Variants in AGBL1 observed in about 807,000 individuals in gnomAD.
The protein encoded by AGBL1 is AGBL carboxypeptidase 1.
A neutral mutation model predicts 118.9 loss-of-function variants in AGBL1; 130 were observed. That is an observed-to-expected ratio of 1.09 (90% CI 0.95 to 1.26). AGBL1 has a LOEUF of 1.26. AGBL1 is among the 50% of genes most tolerant of loss of function. The pLI is 0.00. For synonymous variants in AGBL1, 555 were observed against 478.9 expected (o/e 1.16, Z -2.08); for missense variants, 1,584 against 1,298.1 (o/e 1.22, Z -3.38).
intron 22 of AGBL1, among the ~76,000 whole-genome samples, chr15:86,791,736 A>G: frequency 6.7e-6 from 1 of 149,304 alleles, no homozygotes; most frequent in Middle Eastern, 3.6e-3. Flanking sequence ...TTTTATATAT[A>G]TATATATATA....
intron 18 of AGBL1, among the ~76,000 whole-genome samples, chr15:86,443,317 T>C (rs1483665930): frequency 6.6e-6 from 1 of 152,210 alleles, no homozygotes; most frequent in Admixed American, 6.5e-5. Flanking sequence ...TTTTCCACTT[T>C]TGTTACTTTT....
At chr15:86,544,458 A>G (rs1191165733) in intron 19 of AGBL1, among the ~76,000 whole-genome samples, 1 of 152,218 alleles carries the variant, frequency 6.6e-6, no homozygotes, top group Non-Finnish European at 1.5e-5. Context: ...GCTAATAAAG[A>G]CATACGTGAG....
intron 17 of AGBL1, among the ~76,000 whole-genome samples, chr15:86,358,494 G>T (rs898908716): frequency 1.3e-5 from 2 of 151,978 alleles, no homozygotes; most frequent in African/African-American, 4.8e-5. Flanking sequence ...AAACATGGGG[G>T]TGCAGATATC....
At chr15:86,653,087 A>C (rs1208401629) in intron 21 of AGBL1, among the ~76,000 whole-genome samples, 1 of 152,216 alleles carries the variant, frequency 6.6e-6, no homozygotes, top group African/African-American at 2.4e-5. Context: ...TTCACGAAAG[A>C]TTAGTTCACC....
At chr15:86,887,427 T>C (rs377566536) in intron 22 of AGBL1, among the ~76,000 whole-genome samples, 1 of 152,212 alleles carries the variant, frequency 6.6e-6, no homozygotes, top group East Asian at 1.9e-4. Flanking sequence ...TTCACTGAGC[T>C]CAACAGGGCT....
intron 18 of AGBL1, among the ~76,000 whole-genome samples, chr15:86,459,258 G>A (rs976602000): frequency 6.6e-6 from 1 of 152,102 alleles, no homozygotes; most frequent in African/African-American, 2.4e-5. Context: ...TGCCAATGTG[G>A]TAAGATCAAT....
chr15:86,278,724 G>A (rs1442973425), intron 15 of AGBL1, among the ~76,000 whole-genome samples: 1 of 152,200 alleles, frequency 6.6e-6, no homozygotes, highest in Non-Finnish European at 1.5e-5. Flanking sequence ...GTGTCCGGGT[G>A]TATTTTGCAT....
intron 24 of AGBL1, among the ~76,000 whole-genome samples, chr15:87,023,288 A>G (rs1162168291): frequency 6.6e-6 from 1 of 152,082 alleles, no homozygotes; most frequent in Non-Finnish European, 1.5e-5. Flanking sequence ...GTGAAAAAAG[A>G]GACATCATGC....
intron 22 of AGBL1, among the ~76,000 whole-genome samples, chr15:86,884,526 C>G (rs1311668360): frequency 6.6e-6 from 1 of 152,186 alleles, no homozygotes; most frequent in Non-Finnish European, 1.5e-5. Context: ...TAAAAACAAA[C>G]TATAGGCTGG....
At chr15:86,675,578 T>G (rs527326638) in intron 22 of AGBL1, among the ~76,000 whole-genome samples, 4 of 152,262 alleles carry the variant, frequency 2.6e-5, no homozygotes, top group Non-Finnish European at 5.9e-5. Flanking sequence ...TCACAACCAC[T>G]TCTGCCTGCC....
intron 18 of AGBL1, among the ~76,000 whole-genome samples, chr15:86,449,265 A>G (rs1467589899): frequency 6.6e-6 from 1 of 152,230 alleles, no homozygotes; most frequent in African/African-American, 2.4e-5. Context: ...CTTAAGCACT[A>G]CATGAATATA....
chr15:86,247,149 T>C (rs1370091985), intron 6 of AGBL1, among the ~76,000 whole-genome samples: 2 of 152,254 alleles, frequency 1.3e-5, no homozygotes, highest in African/African-American at 4.8e-5. Flanking sequence ...CTACAGATCT[T>C]ATTCAAATTT....
chr15:86,241,013 G>A (rs186591457), intron 6 of AGBL1, among the ~76,000 whole-genome samples: 16 of 152,236 alleles, frequency 1.1e-4, no homozygotes, highest in African/African-American at 2.2e-4. Context: ...TTGCCAGAGA[G>A]GGAAATTTTC....
Position 86,794,342 on chromosome 15 carries a change from C to T in AGBL1, c.3159-112745C>T, listed in dbSNP as rs149214372. On this transcript the variant is annotated intron_variant, in intron 22 of 22. Coordinates refer to ENST00000614907, the MANE Select transcript of AGBL1 (RefSeq NM_001386094.1). ...AACCATTATGCTAAGTGAAAGAAGC[C>T]AATCACAGAAGGCCACAGAGAAGAT... 1.3e-3 allele frequency among the ~76,000 whole-genome samples: 204 copies of T among 152,088 alleles called. 1 individual carries two copies. Among genetic ancestry groups the T allele is most frequent in the African/African-American group, 4.7e-3 (196 of 41,484 alleles).
At chr15:86,548,962 G>C (rs1486526260) in intron 20 of AGBL1, among the ~76,000 whole-genome samples, 3 of 152,002 alleles carry the variant, frequency 2.0e-5, no homozygotes, top group Admixed American at 2.0e-4. Context: ...TGAGAACAGA[G>C]CCAGGAAAAG....
chr15:86,268,604 A>G (rs2079109148), intron 13 of AGBL1, among the ~76,000 whole-genome samples: 1 of 152,210 alleles, frequency 6.6e-6, no homozygotes, highest in Admixed American at 6.5e-5. Context: ...ACTTATGGGT[A>G]AGGAATTTTT....
chr15:86,126,418 A>T (rs1007350217), intron 1 of AGBL1, among the ~76,000 whole-genome samples: 38 of 152,334 alleles, frequency 2.5e-4, no homozygotes, highest in Middle Eastern at 3.4e-3. Context: ...GCAGAATTCT[A>T]GGGTGACATC....
intron 22 of AGBL1, among the ~76,000 whole-genome samples, chr15:86,744,832 A>G (rs552371324): frequency 6.6e-6 from 1 of 152,268 alleles, no homozygotes; most frequent in African/African-American, 2.4e-5. Context: ...TTAACTCATT[A>G]TAATTTTTTG....
At chr15:86,122,151 A>G (rs573674567) in intron 1 of AGBL1, among the ~76,000 whole-genome samples, 5 of 152,306 alleles carry the variant, frequency 3.3e-5, no homozygotes, top group Non-Finnish European at 7.4e-5. Flanking sequence ...CTGATGGAAA[A>G]TAGTCATTGG....
Sources: gnomAD v4.1 joint callset for allele counts (sites outside exome capture counted in the v4.1 genomes callset) on GRCh38, gnomAD v4.1.1 for gene constraint, MANE v1.5 for transcripts, NCBI Gene and HGNC (gene_info 2026-07-23, HGNC 2026-07-21) for gene names.